Variants in ACE observed in about 807,000 individuals in gnomAD.
ACE encodes the protein angiotensin I converting enzyme.
In ACE, 122 loss-of-function variants were observed where a neutral mutation model predicts 162.3. The ratio of observed to expected loss-of-function variants is 0.75; its 90% CI spans 0.65 to 0.87. The LOEUF (loss-of-function observed/expected upper bound fraction) is 0.87, where lower values mean the gene tolerates loss of function less well. Among genes scored for constraint, ACE ranks in the 40% least tolerant of loss-of-function variants. The probability of loss-of-function intolerance (pLI) is 0.00; values close to 1 mark genes in which losing one functional copy is unlikely to be tolerated. For synonymous variants in ACE, 796 were observed against 720.6 expected, an observed-to-expected ratio of 1.10 and a Z score of -1.68; for missense variants, 1,799 against 1,735.1, an observed-to-expected ratio of 1.04 and a Z score of -0.65.
chr17:63,485,788 A>AAC (rs1214326563), intron 13 of ACE: 4 of 239,920 alleles, frequency 1.7e-5, no homozygotes, highest in African/African-American at 9.1e-5. Flanking sequence ...AAAAAAAAAA[A>AAC]AAAACTCAAT....
chr17:63,496,014 A>T (rs2030706533), intron 22 of ACE: 1 of 333,974 alleles, frequency 3.0e-6, no homozygotes, highest in Non-Finnish European at 5.8e-6. Context: ...ACCCTAGTAG[A>T]TCCACACGGC....
At chr17:63,485,772 C>CAAAAAAAAA in intron 13 of ACE, 2 of 94,928 alleles carry the variant, frequency 2.1e-5, no homozygotes, top group Admixed American at 1.1e-4. Flanking sequence ...GAGACTCCAT[C>CAAAAAAAAA]AAAAAAAAAA....
Position 63,483,567 on chromosome 17 carries a change from G to GCGGGGGGCCCCCCCCCCCCCCCCCCCCC in ACE, c.1586+10_1586+11insGGGGGGCCCCCCCCCCCCCCCCCCCCCC. 6.3e-7 allele frequency: 1 copy of GCGGGGGGCCCCCCCCCCCCCCCCCCCCC among 1,589,452 alleles called. No individual in the cohort carries two copies. The highest frequency in any genetic ancestry group is 8.6e-7 in the Non-Finnish European group (1 of 1,165,602). On this transcript the variant is annotated intron_variant, in intron 10 of 24. Transcript: ENST00000290866. ...GTGACACCATACATCAGGTATTAGC[G>GCGGGGGGCCCCCCCCCCCCCCCCCCCCC]CCCCCACCCCACCCACCCCCAGTAC...
Position 63,484,032 on chromosome 17 carries a change from G to A in ACE, c.1709+61G>A. 3 of 1,554,304 alleles carry A rather than the reference G, an allele frequency of 1.9e-6. No individual in the cohort carries two copies. The highest frequency in any genetic ancestry group is 2.6e-6 in the Non-Finnish European group (3 of 1,152,302). On this transcript the variant is annotated intron_variant, in intron 11 of 24. Coordinates refer to ENST00000290866, the MANE Select transcript of ACE (RefSeq NM_000789.4). The surrounding 1 kb of genome is among the most constrained non-coding windows in gnomAD (Gnocchi z 4.0). The stretch of plus-strand genomic sequence containing the variant: ...AGAGGAGCGGCTGGCAAAGGGTGTG[G>A]CAGGAGGTGTCTGGCTGCTCTGATG...
At position 63,491,171 on chromosome 17, in the gene ACE, G is replaced by T. The variant is rs760231189; in HGVS notation, c.2740-38G>T. The stretch of plus-strand genomic sequence containing the variant: ...CCACGGCAGCACGCAGTCTGTCCCC[G>T]GAACCCCCAGTTTGGGCAGAACTCC... On this transcript the variant is annotated intron_variant, in intron 18 of 24. Transcript: ENST00000290866. This position sits in a 1 kb window ranked among gnomAD's most constrained non-coding sequence, Gnocchi z 4.4. The T allele has an allele frequency of 6.2e-7, 1 of 1,613,052 alleles. No homozygotes were observed.
intron 8 of ACE, 90 bp downstream of exon 8, chr17:63,482,779 CCTT>C (rs1171288809): frequency 7.1e-6 from 10 of 1,403,592 alleles, no homozygotes; most frequent in Non-Finnish European, 9.0e-6. Flanking sequence ...TCAGCTCTGC[CCTT>C]CTTTCTGCCT....
chr17:63,491,347 T>C lies in ACE; in HGVS notation c.2878T>C (p.Ser960Pro). 6.2e-7 allele frequency: 1 copy of C among 1,614,094 alleles called. No individual in the cohort carries two copies. The highest frequency in any genetic ancestry group is 1.6e-4 in the Middle Eastern group (1 of 6,062). Reference sequence around the variant, plus strand: ...CGGGCGGGAGGTGGTCTGCCACGCCTCGGCCTGGGACTTCTACAACGGCAA... The same window carrying C: ...CGGGCGGGAGGTGGTCTGCCACGCCCCGGCCTGGGACTTCTACAACGGCAA... ...TDGREVVCHA[S>P]AWDFYNGKDF... The change falls in exon 19 of 25, where the codon TCG (serine) becomes CCG (proline). Residue 960 changes from serine (S) to proline (P), a missense_variant. By Grantham distance (74) the Ser-to-Pro change is moderately conservative. Transcript: ENST00000290866. The surrounding 1 kb of genome is among the most constrained non-coding windows in gnomAD (Gnocchi z 4.4).
chr17:63,488,795 A>T lies in ACE; in HGVS notation c.2449+4A>T, dbSNP rs754069536. The T allele has an allele frequency of 3.1e-6, 5 of 1,614,050 alleles. No homozygotes were observed. The highest frequency in any genetic ancestry group is 4.2e-6 in the Non-Finnish European group (5 of 1,180,028). On this transcript the variant is annotated splice_donor_region_variant and intron_variant, in intron 16 of 24. Transcript: ENST00000290866. ...AACCAGGCTGCCCGGCTCAATGGTGAGTCCCTGCTGCCAACATCACTGGCA... is the reference window on the plus strand; with the variant it reads ...AACCAGGCTGCCCGGCTCAATGGTGTGTCCCTGCTGCCAACATCACTGGCA...
chr17:63,483,283 C>A, intron 9 of ACE, 110 bp downstream of exon 9: 1 of 1,576,912 alleles, frequency 6.3e-7, no homozygotes, highest in African/African-American at 1.3e-5. Flanking sequence ...CTAATGATGT[C>A]CCCCGCTGTG....
chr17:63,477,165 C>G lies in ACE; in HGVS notation c.71C>G (p.Pro24Arg). Reference sequence around the variant, plus strand: ...CTGCCGCTGCTGTTGCTGCTGCCGCCGCAGCCCGCCCTGGCGTTGGACCCC... The same window carrying G: ...CTGCCGCTGCTGTTGCTGCTGCCGCGGCAGCCCGCCCTGGCGTTGGACCCC... ...LPLPLLLLLP[P>R]QPALALDPGL... The change falls in exon 1 of 25, where the codon CCG becomes CGG. Residue 24 changes from proline to arginine, a missense_variant. Transcript: ENST00000290866. 1 of 1,453,124 alleles carries G rather than the reference C, an allele frequency of 6.9e-7. No homozygotes were observed. The highest frequency in any genetic ancestry group is 1.3e-5 in the South Asian group (1 of 76,044). The allele number at this position is 1,453,124 out of a possible 1,614,324, so 90.0% of individuals were successfully genotyped here. A position where few individuals can be genotyped will look rare whatever the true frequency, so the allele number is the denominator to read the frequency against.
In ACE at chr17:63,479,925, C is replaced by A; in HGVS notation, c.655+13C>A. The A allele has an allele frequency of 6.2e-7, 1 of 1,603,890 alleles. No homozygotes were observed. Among genetic ancestry groups the A allele is most frequent in the Non-Finnish European group, 8.5e-7 (1 of 1,177,898 alleles). ...TACAAGCAGGACGGTGAGCAGGCCT[C>A]TCCCTGTCCAGGAACCACGCCAGGT... On this transcript the variant is annotated intron_variant, in intron 4 of 24. Transcript: ENST00000290866.
At chr17:63,488,228 G>A (rs893907737) in intron 15 of ACE, among the ~76,000 whole-genome samples, 4 of 151,958 alleles carry the variant, frequency 2.6e-5, no homozygotes, top group African/African-American at 9.7e-5. Flanking sequence ...ATGTGGTGGT[G>A]CATGCCTGTA....
chr17:63,490,515 C>T (rs2030300141), intron 17 of ACE: 1 of 248,080 alleles, frequency 4.0e-6, no homozygotes, highest in Non-Finnish European at 8.0e-6. Flanking sequence ...AACTCTCCAG[C>T]CTGTTTCCTT....
intron 3 of ACE, among the ~76,000 whole-genome samples, chr17:63,479,364 C>CT (rs2049670274): frequency 1.3e-5 from 2 of 152,186 alleles, no homozygotes; most frequent in South Asian, 4.1e-4. Flanking sequence ...TCCTGGCTGC[C>CT]TGGTTTCCCC....
chr17:63,486,980 C>T lies in ACE; in HGVS notation c.2218-6C>T. The T allele has an allele frequency of 6.2e-7, 1 of 1,612,788 alleles. No homozygotes were observed. The highest frequency in any genetic ancestry group is 8.5e-7 in the Non-Finnish European group (1 of 1,178,956). On this transcript the variant is annotated splice_polypyrimidine_tract_variant and splice_region_variant and intron_variant, in intron 14 of 24. Coordinates refer to ENST00000290866, the MANE Select transcript of ACE (RefSeq NM_000789.4). ...TACAGCTCATTGCCTCTCCTTCCTC[C>T]TGCAGTACAACAAGATCCTGTTGGA...
At chr17:63,496,614 A>G (rs2030750070) in intron 23 of ACE, 98 bp downstream of exon 23, 2 of 1,607,016 alleles carry the variant, frequency 1.2e-6, no homozygotes, top group Non-Finnish European at 1.7e-6. Flanking sequence ...AACACTTGCC[A>G]TTTTGAGCCG....
At chr17:63,481,895 G>A (rs1435515413) in intron 7 of ACE, among the ~76,000 whole-genome samples, 157 bp downstream of exon 7, 4 of 152,198 alleles carry the variant, frequency 2.6e-5, no homozygotes, top group African/African-American at 7.2e-5. Flanking sequence ...AGGGGGTATA[G>A]GAGGCCTATT....
In ACE at chr17:63,496,442, C is replaced by T. The variant is rs1339832494; in HGVS notation, c.3429C>T (p.Cys1143=). Residue 1143 remains cysteine, a synonymous_variant, in exon 23 of 25, where the codon TGC becomes TGT. Coordinates refer to ENST00000290866, the MANE Select transcript of ACE (RefSeq NM_000789.4). The part of the protein sequence containing the change: ...IIQFQFHEAL[C]QAAGHTGPLH... ...AGTTCCAGTTCCACGAGGCACTGTGCCAGGCAGCTGGCCACACGGGCCCCC... is the reference window on the plus strand; with the variant it reads ...AGTTCCAGTTCCACGAGGCACTGTGTCAGGCAGCTGGCCACACGGGCCCCC... 1 of 1,614,232 alleles carries T rather than the reference C, an allele frequency of 6.2e-7. No homozygotes were observed.
chr17:63,479,618 C>T (rs1389588260), intron 3 of ACE, 151 bp from the exon 4 acceptor site: 1 of 1,031,490 alleles, frequency 9.7e-7, no homozygotes, highest in East Asian at 2.5e-5. Context: ...AGCCCCCTCC[C>T]ACCAGGCCTG....
Sources: allele counts gnomAD v4.1 joint callset (sites outside exome capture counted in the v4.1 genomes callset), GRCh38; gene constraint gnomAD v4.1.1; non-coding constraint Gnocchi (gnomAD v3.1); transcripts MANE v1.5; gene names NCBI Gene and HGNC (gene_info 2026-07-23, HGNC 2026-07-21).